PDE4D: variants seen among roughly 807,000 people sequenced by gnomAD.
The protein encoded by PDE4D is phosphodiesterase 4D, also known as 3',5'-cyclic-AMP phosphodiesterase 4D.
Under a neutral mutation model 87.4 loss-of-function variants are expected in PDE4D, and 24 were observed. The ratio of observed to expected loss-of-function variants is 0.27; its 90% CI spans 0.20 to 0.39. PDE4D has a LOEUF of 0.39. PDE4D is among the 10% of genes least tolerant of loss of function. The pLI is 1.00. For synonymous variants in PDE4D, 384 were observed against 383.2 expected (o/e 1.00, Z -0.02); for missense variants, 714 against 1,041.0 (o/e 0.69, Z 4.32).
intron 1 of PDE4D, among the ~76,000 whole-genome samples, chr5:59,773,351 A>T (rs1454643385): frequency 2.0e-5 from 3 of 152,168 alleles, no homozygotes; most frequent in African/African-American, 7.2e-5. Context: ...ATACAAACCC[A>T]AAAGGAAAGC....
intron 5 of PDE4D, among the ~76,000 whole-genome samples, chr5:59,043,109 G>C (rs557948595): frequency 6.6e-6 from 1 of 152,276 alleles, no homozygotes; most frequent in Non-Finnish European, 1.5e-5. Flanking sequence ...CTAAAGGACT[G>C]TATCGGCTTG....
chr5:58,990,050 C>T, intron 9 of PDE4D, 131 bp from the exon 10 acceptor site: 1 of 601,998 alleles, frequency 1.7e-6, no homozygotes. Flanking sequence ...TGCACTCTCA[C>T]ATGTCTAGTG....
intron 2 of PDE4D, among the ~76,000 whole-genome samples, chr5:60,087,804 G>A (rs144797257): frequency 1.3e-3 from 191 of 152,216 alleles, no homozygotes; most frequent in African/African-American, 4.4e-3. Flanking sequence ...CAGATATTAT[G>A]TAAAAGAGGA....
At chr5:60,319,982 T>C (rs557365333) in intron 1 of PDE4D, among the ~76,000 whole-genome samples, 1 of 152,336 alleles carries the variant, frequency 6.6e-6, no homozygotes, top group South Asian at 2.1e-4. Flanking sequence ...AGCTGCGTGC[T>C]GGGAGAACCA....
intron 5 of PDE4D, among the ~76,000 whole-genome samples, chr5:59,069,832 C>A (rs1764472477): frequency 6.6e-6 from 1 of 151,954 alleles, no homozygotes; most frequent in Non-Finnish European, 1.5e-5. Flanking sequence ...ATAAAAGGAG[C>A]CTGTCTTCAT....
chr5:59,609,377 T>TATACACACACACAC lies in PDE4D; in HGVS notation c.455+283790_455+283791insGTGTGTGTGTGTAT, dbSNP rs1554041694. ...CGTATATCTCTCTAATTTGTATATG[T>TATACACACACACAC]ACACACACACACACACACACACATA... On this transcript the variant is annotated intron_variant, in intron 1 of 14. Transcript: ENST00000340635. Among the ~76,000 whole-genome samples the TATACACACACACAC allele has an allele frequency of 4.1e-5, 6 of 147,692 alleles. No homozygotes were observed. In the East Asian group the frequency reaches 6.0e-4, roughly 15 times the overall value.
chr5:59,810,794 T>C (rs1490362107), intron 1 of PDE4D, among the ~76,000 whole-genome samples: 2 of 152,374 alleles, frequency 1.3e-5, no homozygotes, highest in East Asian at 3.9e-4. Context: ...TGGCTATTTG[T>C]ACTTTTTAAA....
intron 6 of PDE4D, among the ~76,000 whole-genome samples, chr5:59,029,178 C>T (rs578235738): frequency 1.2e-4 from 18 of 151,278 alleles, no homozygotes; most frequent in East Asian, 7.8e-4. Context: ...TTTGGGAGGC[C>T]GAGGCGGGCA....
intron 5 of PDE4D, among the ~76,000 whole-genome samples, chr5:59,107,949 G>GAAGA (rs921281044): frequency 6.6e-6 from 1 of 152,154 alleles, no homozygotes; most frequent in African/African-American, 2.4e-5. Flanking sequence ...GAGACTACAT[G>GAAGA]AAGAAAGAAA....
At chr5:60,503,197 C>T (rs527347937) in intron 1 of PDE4D, among the ~76,000 whole-genome samples, 8 of 152,188 alleles carry the variant, frequency 5.3e-5, no homozygotes, top group African/African-American at 1.2e-4. Flanking sequence ...AGGGAATCCA[C>T]GATACTCCTT....
intron 2 of PDE4D, among the ~76,000 whole-genome samples, chr5:59,205,886 G>T (rs1229865215): frequency 6.6e-6 from 1 of 151,864 alleles, no homozygotes; most frequent in African/African-American, 2.4e-5. Flanking sequence ...ACATTTATTG[G>T]GAGACAACAT....
At chr5:59,544,854 GAC>G (rs1304862185) in intron 1 of PDE4D, among the ~76,000 whole-genome samples, 9 of 152,194 alleles carry the variant, frequency 5.9e-5, no homozygotes, top group African/African-American at 2.2e-4. Flanking sequence ...GAGATTGCAT[GAC>G]AGTGTTTCTC....
intron 1 of PDE4D, among the ~76,000 whole-genome samples, chr5:59,245,760 C>T (rs26688): frequency 0.66 from 100,293 of 151,812 alleles, 33,727 homozygotes; most frequent in Non-Finnish European, 0.69. Context: ...TTGCTTTTCT[C>T]ATCTTAAATG....
At chr5:60,069,625 C>T (rs1772494544) in intron 2 of PDE4D, among the ~76,000 whole-genome samples, 1 of 151,460 alleles carries the variant, frequency 6.6e-6, no homozygotes, top group Non-Finnish European at 1.5e-5. Flanking sequence ...AATGTGATGT[C>T]TCTAGCTTTA....
chr5:59,112,420 G>A (rs1033522830), intron 5 of PDE4D, among the ~76,000 whole-genome samples: 3 of 152,202 alleles, frequency 2.0e-5, no homozygotes, highest in Non-Finnish European at 4.4e-5. Context: ...ACTGACTGCT[G>A]TCTTTTGAAT....
intron 3 of PDE4D, among the ~76,000 whole-genome samples, chr5:59,953,273 G>A (rs1380318057): frequency 6.6e-6 from 1 of 152,010 alleles, no homozygotes; most frequent in Non-Finnish European, 1.5e-5. Flanking sequence ...TAGTTATTTG[G>A]AAGAGAGATG....
intron 1 of PDE4D, among the ~76,000 whole-genome samples, chr5:60,412,171 G>A (rs1235608860): frequency 6.6e-6 from 1 of 152,060 alleles, no homozygotes; most frequent in African/African-American, 2.4e-5. Context: ...AATTATACGT[G>A]TCTTCAAAAG....
intron 1 of PDE4D, among the ~76,000 whole-genome samples, chr5:59,613,311 G>A (rs1431440018): frequency 6.6e-6 from 1 of 152,198 alleles, no homozygotes; most frequent in Non-Finnish European, 1.5e-5. Context: ...TGCTGGGAAA[G>A]AGCAATACTT....
intron 2 of PDE4D, among the ~76,000 whole-genome samples, chr5:59,199,323 G>A (rs182008034): frequency 6.6e-6 from 1 of 151,314 alleles, no homozygotes; most frequent in East Asian, 2.0e-4. Flanking sequence ...GAACTCCTGG[G>A]CTGAAGTGAT....
Sources: allele counts gnomAD v4.1 joint callset (sites outside exome capture counted in the v4.1 genomes callset), GRCh38; gene constraint gnomAD v4.1.1; transcripts MANE v1.5; gene names NCBI Gene and HGNC (gene_info 2026-07-23, HGNC 2026-07-21).